The following GPC6 variants were observed in gnomAD, a reference collection of about 807,000 sequenced individuals.
The protein encoded by GPC6 is glypican 6.
Under a neutral mutation model 55.2 loss-of-function variants are expected in GPC6, and 14 were observed. That is an observed-to-expected ratio of 0.25 (90% CI 0.17 to 0.40). The LOEUF is 0.40. Ranked by LOEUF, GPC6 falls within the 10% of genes least tolerant of loss-of-function variation. The probability of loss-of-function intolerance (pLI) is 1.00; values close to 1 mark genes in which losing one functional copy is unlikely to be tolerated. For missense variants in GPC6, 641 were observed against 708.5 expected (o/e 0.90, Z 1.08); for synonymous variants, 278 against 259.6 (o/e 1.07, Z -0.68).
At chr13:93,432,067 G>A (rs1566353757) in intron 1 of GPC6, among the ~76,000 whole-genome samples, 1 of 152,140 alleles carries the variant, frequency 6.6e-6, no homozygotes, top group Non-Finnish European at 1.5e-5. Context: ...ATCAATTGCA[G>A]CATCCTTTGG....
chr13:94,167,940 G>A (rs78138789), intron 4 of GPC6, among the ~76,000 whole-genome samples: 4,011 of 152,256 alleles, frequency 0.026, 186 homozygotes, highest in African/African-American at 0.091. Flanking sequence ...ACTGTCAGTT[G>A]TTATCTATTC....
chr13:93,880,226 A>G (rs1195898491), intron 3 of GPC6, among the ~76,000 whole-genome samples: 1 of 151,468 alleles, frequency 6.6e-6, no homozygotes, highest in Non-Finnish European at 1.5e-5. Context: ...TATATACCCA[A>G]AGGACTATAA....
intron 4 of GPC6, among the ~76,000 whole-genome samples, chr13:94,279,583 AC>A (rs1417650707): frequency 6.6e-6 from 1 of 152,006 alleles, no homozygotes; most frequent in African/African-American, 2.4e-5. Context: ...GGCATTTAGT[AC>A]TATAAATTTC....
At chr13:93,812,388 A>G (rs560103982) in intron 2 of GPC6, among the ~76,000 whole-genome samples, 1 of 141,950 alleles carries the variant, frequency 7.0e-6, no homozygotes, top group Non-Finnish European at 1.5e-5. Context: ...TCTGTCTCGG[A>G]AAAAAAAAAA....
At chr13:94,263,209 G>A (rs186939161) in intron 4 of GPC6, among the ~76,000 whole-genome samples, 164 of 152,324 alleles carry the variant, frequency 1.1e-3, no homozygotes, top group Admixed American at 2.4e-3. Flanking sequence ...GGGAAGCCCA[G>A]GATCAGGGGA....
At chr13:93,303,866 G>T (rs1008097613) in intron 1 of GPC6, among the ~76,000 whole-genome samples, 11 of 142,864 alleles carry the variant, frequency 7.7e-5, no homozygotes, top group African/African-American at 2.9e-4. Flanking sequence ...GGGCAATGTA[G>T]ATACTATTTT....
intron 3 of GPC6, among the ~76,000 whole-genome samples, chr13:93,881,172 G>T (rs9584166): frequency 0.067 from 10,158 of 152,150 alleles, 1,041 homozygotes; most frequent in African/African-American, 0.22. Context: ...TAGAGCTGGT[G>T]TGGGGTGCAC....
At chr13:93,808,961 G>A (rs891045414) in intron 2 of GPC6, among the ~76,000 whole-genome samples, 30 of 152,310 alleles carry the variant, frequency 2.0e-4, no homozygotes, top group Middle Eastern at 3.4e-3. Flanking sequence ...TCAGAGAAGT[G>A]CCTGTGGACT....
chr13:93,306,229 A>G (rs1878851524), intron 1 of GPC6, among the ~76,000 whole-genome samples: 1 of 152,194 alleles, frequency 6.6e-6, no homozygotes, highest in South Asian at 2.1e-4. Flanking sequence ...TTGAAATGTA[A>G]AGACAAATGA....
At chr13:93,260,643 T>C (rs1027395712) in intron 1 of GPC6, among the ~76,000 whole-genome samples, 5 of 152,018 alleles carry the variant, frequency 3.3e-5, no homozygotes, top group Non-Finnish European at 5.9e-5. Flanking sequence ...TGCCGAAGCA[T>C]TATCCTAGAT....
chr13:93,260,965 A>G (rs1376002278), intron 1 of GPC6, among the ~76,000 whole-genome samples: 1 of 152,050 alleles, frequency 6.6e-6, no homozygotes, highest in Non-Finnish European at 1.5e-5. Flanking sequence ...GGAATACATG[A>G]TTATGTTTTT....
intron 2 of GPC6, among the ~76,000 whole-genome samples, chr13:93,743,915 C>T (rs1042046286): frequency 2.0e-5 from 3 of 152,062 alleles, no homozygotes; most frequent in Admixed American, 2.0e-4. Context: ...AAGTTTTCTG[C>T]TGATACTGAA....
chr13:93,959,904 A>C (rs1879688888), intron 3 of GPC6, among the ~76,000 whole-genome samples: 1 of 152,210 alleles, frequency 6.6e-6, no homozygotes. Flanking sequence ...CTGGGGTTTA[A>C]TTCCAGATAA....
At chr13:93,463,705 G>A (rs190027895) in intron 1 of GPC6, among the ~76,000 whole-genome samples, 1 of 151,980 alleles carries the variant, frequency 6.6e-6, no homozygotes, top group Admixed American at 6.6e-5. Context: ...ATTCTGGAAC[G>A]CCTTTTGACA....
Position 93,516,211 on chromosome 13 carries a change from AT to A in GPC6, c.161-29051del, listed in dbSNP as rs1189101722. ...GTAAAAGGTTCACATCAAAAGAGAA[AT>A]CTTCACAGCACCGATGTTATCAACT... On this transcript the variant is annotated intron_variant, in intron 1 of 8. Coordinates refer to ENST00000377047, the MANE Select transcript of GPC6 (RefSeq NM_005708.5). Among the ~76,000 whole-genome samples the A allele has an allele frequency of 3.3e-5, 5 of 152,296 alleles. No homozygotes were observed. In the East Asian group the frequency reaches 9.6e-4, roughly 29 times the overall value.
intron 2 of GPC6, among the ~76,000 whole-genome samples, chr13:93,808,824 C>T (rs1886613710): frequency 1.3e-5 from 2 of 152,220 alleles, no homozygotes. Context: ...TTTTAAGCTT[C>T]CTGTTTGGGG....
At chr13:94,063,543 G>T (rs1271550043) in intron 4 of GPC6, among the ~76,000 whole-genome samples, 1 of 152,124 alleles carries the variant, frequency 6.6e-6, no homozygotes, top group Non-Finnish European at 1.5e-5. Context: ...GCTTGGTTTT[G>T]TTTGTTTGTA....
intron 1 of GPC6, among the ~76,000 whole-genome samples, chr13:93,520,736 A>G (rs1231053835): frequency 6.6e-6 from 1 of 151,980 alleles, no homozygotes; most frequent in African/African-American, 2.4e-5. Flanking sequence ...ACTGTTTTTC[A>G]TAGTAGATAA....
chr13:93,275,089 G>T (rs1877680947), intron 1 of GPC6, among the ~76,000 whole-genome samples: 1 of 152,216 alleles, frequency 6.6e-6, no homozygotes, highest in African/African-American at 2.4e-5. Context: ...TACAGGTCCT[G>T]CTTCCAAACT....
Sources: gnomAD v4.1 joint callset for allele counts (sites outside exome capture counted in the v4.1 genomes callset) on GRCh38, gnomAD v4.1.1 for gene constraint, MANE v1.5 for transcripts, NCBI Gene and HGNC (gene_info 2026-07-23, HGNC 2026-07-21) for gene names.